The following TEN1 variants were observed in gnomAD, a reference collection of about 807,000 sequenced individuals.
TEN1 encodes CST complex subunit TEN1.
In TEN1, 6 loss-of-function variants were observed where a neutral mutation model predicts 9.3. That is an observed-to-expected ratio of 0.65 (90% confidence interval 0.35 to 1.27). The LOEUF (loss-of-function observed/expected upper bound fraction) is 1.27, where lower values mean the gene tolerates loss of function less well. Ranked by LOEUF, TEN1 falls within the 50% of genes most tolerant of loss-of-function variation. The pLI, the probability that TEN1 is intolerant of heterozygous loss-of-function variation, is 0.03. For synonymous variants in TEN1, 65 were observed against 65.6 expected, an observed-to-expected ratio of 0.99 and a Z score of 0.04; for missense variants, 149 against 158.2, an observed-to-expected ratio of 0.94 and a Z score of 0.31.
At chr17:75,993,197 G>A (rs1366412494) in intron 3 of TEN1, among the ~76,000 whole-genome samples, 2 of 148,612 alleles carry the variant, frequency 1.3e-5, no homozygotes, top group African/African-American at 2.5e-5. Context: ...TCCGCCTCCC[G>A]GGTTCAAGCG....
chr17:75,979,339 G>A lies in TEN1; in HGVS notation c.-179G>A. 2 of 576,674 alleles carry A rather than the reference G, an allele frequency of 3.5e-6. No individual in the cohort carries two copies. Among genetic ancestry groups the A allele is most frequent in the Non-Finnish European group, 6.2e-6 (2 of 322,902 alleles). 35.7% of individuals were successfully genotyped at this position (576,674 alleles called of 1,614,324 possible). A position where few individuals can be genotyped will look rare whatever the true frequency, so the allele number is the denominator to read the frequency against. The stretch of plus-strand genomic sequence containing the variant: ...CAGACTAATCCCCTGCTCCTGGCCA[G>A]GGGAGGCTCCCGAGCGGATCCTCGG... On this transcript the variant is annotated 5_prime_UTR_variant, in exon 1 of 4. Coordinates refer to ENST00000397640, the MANE Select transcript of TEN1 (RefSeq NM_001113324.3).
At chr17:75,981,692 G>T (rs1036378618) in intron 1 of TEN1, among the ~76,000 whole-genome samples, 1 of 151,502 alleles carries the variant, frequency 6.6e-6, no homozygotes, top group African/African-American at 2.4e-5. Context: ...CCCCAAGGCA[G>T]GTCATAGAAA....
intron 2 of TEN1, among the ~76,000 whole-genome samples, chr17:75,988,582 A>AAAAAAAAAAAAG (rs1567896637): frequency 2.1e-5 from 3 of 140,224 alleles, no homozygotes; most frequent in African/African-American, 9.0e-5. Flanking sequence ...AAAAAAAAAA[A>AAAAAAAAAAAAG]AAAAAGAAAA....
At chr17:75,997,926 C>T (rs1401142548) in intron 3 of TEN1, among the ~76,000 whole-genome samples, 1 of 151,818 alleles carries the variant, frequency 6.6e-6, no homozygotes, top group Non-Finnish European at 1.5e-5. Context: ...ACGATCTCTG[C>T]TTACTGCAAC....
At chr17:75,999,631 G>C (rs749063064) in intron 3 of TEN1, among the ~76,000 whole-genome samples, 3 of 152,094 alleles carry the variant, frequency 2.0e-5, no homozygotes, top group Non-Finnish European at 4.4e-5. Context: ...GTGTGAGCCA[G>C]TTCACCTGTC....
At chr17:75,985,133 T>A (rs990941792) in intron 1 of TEN1, 1 of 152,128 alleles carries the variant, frequency 6.6e-6, no homozygotes, top group East Asian at 1.9e-4. Context: ...CACACATAGC[T>A]TTTTAAATAT....
At position 75,979,354 on chromosome 17, in the gene TEN1, C is replaced by T. The variant is rs374735148; in HGVS notation, c.-164C>T. 2.7e-5 allele frequency: 15 copies of T among 552,598 alleles called. No individual in the cohort carries two copies. Among genetic ancestry groups the T allele is most frequent in the Non-Finnish European group, 4.2e-5 (13 of 307,108 alleles). 34.2% of individuals were successfully genotyped at this position (552,598 alleles called of 1,614,324 possible). On this transcript the variant is annotated 5_prime_UTR_variant, in exon 1 of 4. Transcript: ENST00000397640. ...CTCCTGGCCAGGGGAGGCTCCCGAG[C>T]GGATCCTCGGGAAAGGGGCTCCGAA...
chr17:75,986,348 C>A, intron 2 of TEN1, 64 bp downstream of exon 2: 2 of 1,290,580 alleles, frequency 1.5e-6, no homozygotes, highest in Non-Finnish European at 2.1e-6. Flanking sequence ...TCTCTACCTC[C>A]AAAAAGACAT....
In TEN1 at chr17:75,990,807, A is replaced by G. The variant is rs574224452; in HGVS notation, c.93-659A>G. Among the ~76,000 whole-genome samples, 4 of 150,802 alleles carry G rather than the reference A, an allele frequency of 2.7e-5. No homozygotes were observed. The East Asian group carries it at 5.8e-4, about 22-fold the overall frequency. On this transcript the variant is annotated intron_variant, in intron 2 of 3. Transcript: ENST00000397640. ...TGGGATACAGAAAAAAAAAAAAAAG[A>G]AAGGAAGAAAAAGATTTCTTAGACA...
intron 3 of TEN1, among the ~76,000 whole-genome samples, chr17:75,993,422 G>T (rs1336774973): frequency 6.6e-6 from 1 of 152,020 alleles, no homozygotes; most frequent in African/African-American, 2.4e-5. Context: ...CTTTAGAGAA[G>T]AGTCACAGCG....
chr17:75,982,942 C>T (rs2066130562), intron 1 of TEN1, among the ~76,000 whole-genome samples: 1 of 148,450 alleles, frequency 6.7e-6, no homozygotes, highest in Admixed American at 6.8e-5. Flanking sequence ...AACTCCTGAC[C>T]TCAAGTGATC....
chr17:76,000,508 C>CGGGGCCGTGCTTGGGCGCT lies in TEN1; in HGVS notation c.*260_*261insGCGCTGGGGCCGTGCTTGG. ...ACTGCAGGTGGCCGAGCTTGGGCGC[C>CGGGGCCGTGCTTGGGCGCT]GGGGCCGTGCTTGGTGTGGGGCCAT... On this transcript the variant is annotated 3_prime_UTR_variant, in exon 4 of 4. Transcript: ENST00000397640. The surrounding 1 kb of genome is among the most constrained non-coding windows in gnomAD (Gnocchi z 5.9). 1 of 543,186 alleles carries CGGGGCCGTGCTTGGGCGCT rather than the reference C, an allele frequency of 1.8e-6. No individual in the cohort carries two copies. The highest frequency in any genetic ancestry group is 3.1e-6 in the Non-Finnish European group (1 of 323,654). The allele number at this position is 543,186 out of a possible 1,614,324, so 33.6% of individuals were successfully genotyped here. A position where few individuals can be genotyped will look rare whatever the true frequency, so the allele number is the denominator to read the frequency against.
chr17:75,979,410 G>C lies in TEN1; in HGVS notation c.-108G>C. ...AGAAACTGCCCTGCTGGGCGTCCGG[G>C]GAGTGGGAAAATAAAGCACTTTTTG... On this transcript the variant is annotated 5_prime_UTR_variant, in exon 1 of 4. Transcript: ENST00000397640. 1 of 463,978 alleles carries C rather than the reference G, an allele frequency of 2.2e-6. No homozygotes were observed. 28.7% of individuals were successfully genotyped at this position (463,978 alleles called of 1,614,324 possible).
At position 75,996,898 on chromosome 17, in the gene TEN1, G is replaced by A. The variant is rs148307708; in HGVS notation, c.251-3243G>A. On this transcript the variant is annotated intron_variant, in intron 3 of 3. Coordinates refer to ENST00000397640, the MANE Select transcript of TEN1 (RefSeq NM_001113324.3). The stretch of plus-strand genomic sequence containing the variant: ...AAACCACACACCCACAGAGTCTGGA[G>A]CAGGGCCGGAGTTTCCCCGGCTCCT... Among the ~76,000 whole-genome samples the A allele has an allele frequency of 7.8e-3, 1,188 of 152,130 alleles. 10 individuals carry two copies. The highest frequency in any genetic ancestry group is 0.012 in the Non-Finnish European group (829 of 67,992).
intron 3 of TEN1, among the ~76,000 whole-genome samples, chr17:75,999,891 G>T (rs1255334103): frequency 6.6e-6 from 1 of 152,064 alleles, no homozygotes; most frequent in East Asian, 1.9e-4. Context: ...TGCCAAGGGG[G>T]CCTTTCCCTC....
chr17:75,987,558 T>C, intron 2 of TEN1, among the ~76,000 whole-genome samples: 1 of 152,112 alleles, frequency 6.6e-6, no homozygotes, highest in East Asian at 1.9e-4. Flanking sequence ...TGCACAAGGA[T>C]GTAAATATCG....
chr17:75,989,155 A>G (rs1324309541), intron 2 of TEN1, among the ~76,000 whole-genome samples: 1 of 150,616 alleles, frequency 6.6e-6, no homozygotes, highest in Non-Finnish European at 1.5e-5. Flanking sequence ...GCTGGAGTGC[A>G]GTGGCGCGAT....
Position 75,991,614 on chromosome 17 carries a change from C to T in TEN1, c.241C>T (p.His81Tyr), listed in dbSNP as rs1296287868. The T allele has an allele frequency of 6.4e-7, 1 of 1,551,592 alleles. No individual in the cohort carries two copies. Among genetic ancestry groups the T allele is most frequent in the Admixed American group, 2.0e-5 (1 of 50,972 alleles). ...GTACATCGTCCTCGGGGAGCTCCAG[C>T]ATCAGCAGGGTGAGCTGCAGCCTCA... ...SLYIVLGELQ[H>Y]QQDRGSVVKA... The change falls in exon 3 of 4, where the codon CAT (histidine) becomes TAT (tyrosine). Residue 81 changes from histidine (H) to tyrosine (Y), a missense_variant. Physicochemically the swap from His to Tyr is moderately conservative, Grantham distance 83. Transcript: ENST00000397640.
intron 3 of TEN1, among the ~76,000 whole-genome samples, chr17:75,996,722 A>AAAG (rs1567899236): frequency 7.1e-6 from 1 of 141,472 alleles, no homozygotes; most frequent in African/African-American, 3.0e-5. Flanking sequence ...AAAAAAAAAA[A>AAAG]AGAGAGAGAG....
Sources: allele counts gnomAD v4.1 joint callset (sites outside exome capture counted in the v4.1 genomes callset), GRCh38; gene constraint gnomAD v4.1.1; non-coding constraint Gnocchi (gnomAD v3.1); transcripts MANE v1.5; gene names NCBI Gene and HGNC (gene_info 2026-07-23, HGNC 2026-07-21).